Variants in NALF1 observed in about 807,000 individuals in gnomAD.
NALF1 encodes family with sequence similarity 155 member A.
NALF1 carries 3 observed loss-of-function variants against 48.4 expected under a neutral mutation model. That is an observed-to-expected ratio of 0.06 (90% CI 0.03 to 0.16). NALF1 has a LOEUF of 0.16. NALF1 is among the 10% of genes least tolerant of loss of function. The probability of loss-of-function intolerance (pLI) is 1.00; values close to 1 mark genes in which losing one functional copy is unlikely to be tolerated. For missense variants in NALF1, 526 were observed against 571.5 expected, an observed-to-expected ratio of 0.92 and a Z score of 0.81; for synonymous variants, 262 against 245.7, an observed-to-expected ratio of 1.07 and a Z score of -0.62.
At chr13:107,348,912 T>C (rs1882822465) in intron 1 of NALF1, among the ~76,000 whole-genome samples, 1 of 152,204 alleles carries the variant, frequency 6.6e-6, no homozygotes, top group Non-Finnish European at 1.5e-5. Flanking sequence ...AGATGCCAGC[T>C]CCTCCTTTGT....
At chr13:107,522,020 A>G (rs1876259022) in intron 1 of NALF1, among the ~76,000 whole-genome samples, 2 of 152,098 alleles carry the variant, frequency 1.3e-5, no homozygotes, top group Non-Finnish European at 2.9e-5. Flanking sequence ...CTAGGTCCCT[A>G]TCTTAAGGGA....
chr13:107,539,117 G>A (rs1876926471), intron 1 of NALF1, among the ~76,000 whole-genome samples: 2 of 151,742 alleles, frequency 1.3e-5, no homozygotes, highest in Admixed American at 1.3e-4. Flanking sequence ...GCTGTGGTAG[G>A]CTATTTTCTT....
intron 1 of NALF1, among the ~76,000 whole-genome samples, chr13:107,816,596 A>G (rs1241732640): frequency 6.6e-6 from 1 of 152,160 alleles, no homozygotes; most frequent in East Asian, 1.9e-4. Flanking sequence ...ATAAATCAAG[A>G]TAAGATTTGG....
At chr13:107,269,485 T>C (rs910351959) in intron 1 of NALF1, among the ~76,000 whole-genome samples, 2 of 152,180 alleles carry the variant, frequency 1.3e-5, no homozygotes, top group African/African-American at 4.8e-5. Flanking sequence ...GAGATGAATA[T>C]GTTTATAGTA....
intron 1 of NALF1, among the ~76,000 whole-genome samples, chr13:107,402,198 G>A (rs1883821195): frequency 6.6e-6 from 1 of 152,154 alleles, no homozygotes; most frequent in African/African-American, 2.4e-5. Flanking sequence ...TCCTTTGCTG[G>A]CTTCGATAAA....
chr13:107,573,154 C>A (rs1207000341), intron 1 of NALF1, among the ~76,000 whole-genome samples: 1 of 152,200 alleles, frequency 6.6e-6, no homozygotes, highest in Non-Finnish European at 1.5e-5. Flanking sequence ...TTGCTCTAGA[C>A]CTCTGACCAC....
chr13:107,365,558 T>A (rs543505564), intron 1 of NALF1, among the ~76,000 whole-genome samples: 1 of 152,336 alleles, frequency 6.6e-6, no homozygotes, highest in South Asian at 2.1e-4. Context: ...ATCATATTTG[T>A]GGTCTTTTGT....
chr13:107,355,531 C>T (rs1008209404), intron 1 of NALF1, among the ~76,000 whole-genome samples: 7 of 152,068 alleles, frequency 4.6e-5, no homozygotes, highest in African/African-American at 7.2e-5. Flanking sequence ...TCCTATTGCT[C>T]GGGGAGGGAC....
At chr13:107,469,457 T>C (rs1885061228) in intron 1 of NALF1, among the ~76,000 whole-genome samples, 1 of 152,154 alleles carries the variant, frequency 6.6e-6, no homozygotes, top group South Asian at 2.1e-4. Context: ...TACGTGTCCA[T>C]GGGGATTGAT....
intron 1 of NALF1, among the ~76,000 whole-genome samples, chr13:107,458,112 A>T (rs1884854146): frequency 6.6e-6 from 1 of 152,186 alleles, no homozygotes; most frequent in South Asian, 2.1e-4. Context: ...CTCTCTTTCA[A>T]AAAACATCTC....
intron 1 of NALF1, among the ~76,000 whole-genome samples, chr13:107,571,525 C>G (rs1359788945): frequency 6.6e-6 from 1 of 152,084 alleles, no homozygotes; most frequent in East Asian, 1.9e-4. Context: ...GTGCCCCTGC[C>G]CCATACCTTG....
chr13:107,720,221 C>T (rs1318968298), intron 1 of NALF1, among the ~76,000 whole-genome samples: 4 of 152,204 alleles, frequency 2.6e-5, no homozygotes, highest in East Asian at 1.9e-4. Context: ...TTTTACAATA[C>T]GCATAGTTGG....
intron 1 of NALF1, among the ~76,000 whole-genome samples, chr13:107,598,449 T>C (rs1311751594): frequency 7.2e-5 from 11 of 152,222 alleles, no homozygotes; most frequent in African/African-American, 2.4e-5. Context: ...CCTCCAGTCC[T>C]GGATTTTCTT....
rs1359144192 is a variant in NALF1 at position 107,167,577 on chromosome 13, T to C, written c.*2920A>G. 2 of 152,184 alleles carry C rather than the reference T, an allele frequency of 1.3e-5. No homozygotes were observed. The highest frequency in any genetic ancestry group is 2.9e-5 in the Non-Finnish European group (2 of 68,032). The allele number at this position is 152,184 out of a possible 1,614,324, so 9.4% of individuals were successfully genotyped here. A position where few individuals can be genotyped will look rare whatever the true frequency, so the allele number is the denominator to read the frequency against. The stretch of plus-strand genomic sequence containing the variant: ...TGAAATCATTCTCCTGTAATAAGAA[T>C]AGATGAACATGACAAAGAAAATATT... On this transcript the variant is annotated 3_prime_UTR_variant, in exon 3 of 3. Transcript: ENST00000375915.
At chr13:107,291,934 G>C (rs1285044715) in intron 1 of NALF1, among the ~76,000 whole-genome samples, 3 of 152,144 alleles carry the variant, frequency 2.0e-5, no homozygotes, top group Non-Finnish European at 2.9e-5. Context: ...ACATAATTCA[G>C]GAAGAACACT....
intron 1 of NALF1, among the ~76,000 whole-genome samples, chr13:107,596,084 C>T (rs982394518): frequency 3.6e-4 from 55 of 152,286 alleles, no homozygotes; most frequent in African/African-American, 1.2e-3. Context: ...AGAAAATTAT[C>T]TTCAGTGGAG....
chr13:107,737,193 A>G (rs546504424), intron 1 of NALF1, among the ~76,000 whole-genome samples: 23 of 152,332 alleles, frequency 1.5e-4, no homozygotes, highest in Non-Finnish European at 1.6e-4. Flanking sequence ...TAGCCATTAT[A>G]TAATTTCCAG....
chr13:107,555,131 G>C (rs1323596901), intron 1 of NALF1, among the ~76,000 whole-genome samples: 1 of 151,938 alleles, frequency 6.6e-6, no homozygotes. Context: ...CATTAAGCAG[G>C]CTGCTTAATT....
At chr13:107,807,701 T>TA (rs1256727614) in intron 1 of NALF1, among the ~76,000 whole-genome samples, 1 of 152,194 alleles carries the variant, frequency 6.6e-6, no homozygotes, top group Non-Finnish European at 1.5e-5. Flanking sequence ...GGCTGTCTGA[T>TA]TTAGGAAAAT....
Sources: gnomAD v4.1 joint callset for allele counts (sites outside exome capture counted in the v4.1 genomes callset) on GRCh38, gnomAD v4.1.1 for gene constraint, MANE v1.5 for transcripts, NCBI Gene and HGNC (gene_info 2026-07-23, HGNC 2026-07-21) for gene names.